Variants in DRICH1 observed in about 807,000 individuals in gnomAD.
DRICH1 encodes aspartate-rich protein 1.
Under a neutral mutation model 39.5 loss-of-function variants are expected in DRICH1, and 38 were observed. The ratio of observed to expected loss-of-function variants is 0.96; its 90% confidence interval spans 0.74 to 1.26. The LOEUF (loss-of-function observed/expected upper bound fraction) is 1.26, where lower values mean the gene tolerates loss of function less well. DRICH1 is among the 50% of genes most tolerant of loss of function. The probability of loss-of-function intolerance (pLI) is 0.00; values close to 1 mark genes in which losing one functional copy is unlikely to be tolerated. For missense variants in DRICH1, 279 were observed against 270.4 expected, an observed-to-expected ratio of 1.03 and a Z score of -0.22; for synonymous variants, 84 against 99.5, an observed-to-expected ratio of 0.84 and a Z score of 0.93.
At position 23,631,843 on chromosome 22, in the gene DRICH1, G is replaced by C. The variant is rs377491846; in HGVS notation, c.181C>G (p.His61Asp). Residue 61 changes from histidine to aspartate, a missense_variant, in exon 1 of 12, where the codon CAC (histidine) becomes GAC (aspartate). Coordinates refer to ENST00000317749, the MANE Select transcript of DRICH1 (RefSeq NM_016449.4). ...VGATEGQDLQHISNQKMPTGP... is the reference protein window; with the variant it reads ...VGATEGQDLQDISNQKMPTGP... ...GTGGGCATCTTTTGGTTGCTGATGT[G>C]CTGCAGGTCTTGGCCCTCCGTGGCT... The C allele has an allele frequency of 2.5e-6, 4 of 1,612,346 alleles. No homozygotes were observed. The highest frequency in any genetic ancestry group is 4.5e-5 in the East Asian group (2 of 44,882).
chr22:23,585,729 G>C, the DRICH1 span, among the ~76,000 whole-genome samples: 1 of 151,968 alleles, frequency 6.6e-6, no homozygotes, highest in Non-Finnish European at 1.5e-5. Flanking sequence ...TGTGTTGCCC[G>C]GGCTGGACTC....
the DRICH1 span, among the ~76,000 whole-genome samples, chr22:23,594,977 A>G: frequency 0.38 from 53,111 of 141,160 alleles, 9,807 homozygotes; most frequent in East Asian, 0.52. Context: ...GGCTCCCAGG[A>G]AACCCTAACT....
intron 8 of DRICH1, among the ~76,000 whole-genome samples, chr22:23,615,407 A>T (rs1486106688): frequency 6.6e-6 from 1 of 152,194 alleles, no homozygotes; most frequent in East Asian, 1.9e-4. Context: ...TTTGATACCT[A>T]TTCATTCAGA....
At chr22:23,629,318 C>A (rs188007645) in intron 1 of DRICH1, among the ~76,000 whole-genome samples, 1 of 152,268 alleles carries the variant, frequency 6.6e-6, no homozygotes, top group African/African-American at 2.4e-5. Flanking sequence ...GGATTACAGG[C>A]ATGAGCCACC....
chr22:23,627,782 A>C (rs1189885941), intron 1 of DRICH1, among the ~76,000 whole-genome samples: 2 of 152,146 alleles, frequency 1.3e-5, no homozygotes, highest in Non-Finnish European at 2.9e-5. Flanking sequence ...TGACTCAGAA[A>C]CTGGGGCAGC....
chr22:23,584,430 C>T, the DRICH1 span, among the ~76,000 whole-genome samples: 1 of 152,158 alleles, frequency 6.6e-6, no homozygotes, highest in African/African-American at 2.4e-5. Context: ...AAAGACTCCG[C>T]CTGCACCACC....
At chr22:23,588,751 C>T in the DRICH1 span, among the ~76,000 whole-genome samples, 1 of 152,198 alleles carries the variant, frequency 6.6e-6, no homozygotes, top group Non-Finnish European at 1.5e-5. Context: ...TGAGTGATGG[C>T]TGTCACTTCC....
At chr22:23,581,716 C>A in the DRICH1 span, among the ~76,000 whole-genome samples, 1 of 150,186 alleles carries the variant, frequency 6.7e-6, no homozygotes, top group Non-Finnish European at 1.5e-5. Context: ...AAGCGATTCT[C>A]CTGCCTCAGC....
At chr22:23,586,240 T>A in the DRICH1 span, among the ~76,000 whole-genome samples, 3 of 152,314 alleles carry the variant, frequency 2.0e-5, no homozygotes, top group South Asian at 4.1e-4. Context: ...TGTAATCCTA[T>A]CACTTTGGGA....
chr22:23,595,421 CCAGAA>C, the DRICH1 span, among the ~76,000 whole-genome samples: 43,235 of 147,464 alleles, frequency 0.29, 5,892 homozygotes, highest in Middle Eastern at 0.36. Flanking sequence ...TTTAGCCTAA[CCAGAA>C]CAGAAACGTC....
intron 9 of DRICH1, among the ~76,000 whole-genome samples, 169 bp from the exon 10 acceptor site, chr22:23,613,829 A>C (rs768419185): frequency 1.6e-4 from 25 of 152,274 alleles, no homozygotes; most frequent in Middle Eastern, 3.4e-3. Context: ...GAAAAACAAG[A>C]CCTCTATTTG....
the DRICH1 span, among the ~76,000 whole-genome samples, chr22:23,593,386 G>A: frequency 2.0e-5 from 3 of 152,262 alleles, no homozygotes; most frequent in South Asian, 2.1e-4. Flanking sequence ...CAAACAGGCC[G>A]GGTGCGGTGG....
chr22:23,599,470 G>A, the DRICH1 span, among the ~76,000 whole-genome samples: 1 of 152,114 alleles, frequency 6.6e-6, no homozygotes, highest in Non-Finnish European at 1.5e-5. Flanking sequence ...TTAAGGCCTG[G>A]CCCAGTGCAG....
At chr22:23,613,810 A>T in intron 9 of DRICH1, 150 bp from the exon 10 acceptor site, 1 of 629,104 alleles carries the variant, frequency 1.6e-6, no homozygotes. Context: ...AGCACAGAGG[A>T]TAGCTATAGA....
At chr22:23,591,942 A>AGGTG in the DRICH1 span, among the ~76,000 whole-genome samples, 1 of 152,004 alleles carries the variant, frequency 6.6e-6, no homozygotes, top group South Asian at 2.1e-4. Context: ...AGGGGTGTGG[A>AGGTG]GGGGGAGCAG....
At chr22:23,604,273 C>T (rs1328035600), downstream of DRICH1, among the ~76,000 whole-genome samples, 1 of 152,236 alleles carries the variant, frequency 6.6e-6, no homozygotes, top group East Asian at 1.9e-4. Flanking sequence ...TCACTTGGTC[C>T]AGCCCTGTGG....
chr22:23,602,630 A>G, the DRICH1 span, among the ~76,000 whole-genome samples: 4 of 149,668 alleles, frequency 2.7e-5, no homozygotes, highest in Admixed American at 2.6e-4. Context: ...GGTTGCAGTG[A>G]GCCGAGATTC....
chr22:23,615,936 G>A, intron 8 of DRICH1, among the ~76,000 whole-genome samples: 1 of 152,128 alleles, frequency 6.6e-6, no homozygotes, highest in Non-Finnish European at 1.5e-5. Flanking sequence ...TGGTAAAACT[G>A]CATATTCTCA....
chr22:23,612,381 G>A (rs1927084084), intron 11 of DRICH1, among the ~76,000 whole-genome samples: 1 of 151,086 alleles, frequency 6.6e-6, no homozygotes, highest in Non-Finnish European at 1.5e-5. Context: ...GCACGAGAAT[G>A]GCGTGAACCC....
Sources: allele counts gnomAD v4.1 joint callset (sites outside exome capture counted in the v4.1 genomes callset), GRCh38; gene constraint gnomAD v4.1.1; transcripts MANE v1.5; gene names NCBI Gene and HGNC (gene_info 2026-07-23, HGNC 2026-07-21).